Variants in ERBB4 observed in about 807,000 individuals in gnomAD.
The protein encoded by ERBB4 is erb-b2 receptor tyrosine kinase 4, also known as receptor tyrosine-protein kinase erbB-4.
In ERBB4, 42 loss-of-function variants were observed where a neutral mutation model predicts 158.0. The observed-to-expected ratio is 0.27, with a 90% CI of 0.21 to 0.34. The LOEUF is 0.34. ERBB4 is among the 10% of genes least tolerant of loss of function. The pLI, the probability that ERBB4 is intolerant of heterozygous loss-of-function variation, is 1.00. For synonymous variants in ERBB4, 583 were observed against 558.7 expected, an observed-to-expected ratio of 1.04 and a Z score of -0.61; for missense variants, 1,333 against 1,624.1, an observed-to-expected ratio of 0.82 and a Z score of 3.08.
At chr2:211,653,307 C>T (rs2071074811) in intron 16 of ERBB4, among the ~76,000 whole-genome samples, 1 of 152,164 alleles carries the variant, frequency 6.6e-6, no homozygotes, top group Admixed American at 6.5e-5. Flanking sequence ...CTTATCCAAT[C>T]TTCCTGAAAG....
At chr2:212,103,298 A>G (rs1280984763) in intron 2 of ERBB4, among the ~76,000 whole-genome samples, 1 of 152,136 alleles carries the variant, frequency 6.6e-6, no homozygotes, top group Non-Finnish European at 1.5e-5. Context: ...CTAGGCCAGT[A>G]TAATAGAATA....
At chr2:211,622,991 ATATATATATATATATATATAT>A (rs1301109262) in intron 18 of ERBB4, among the ~76,000 whole-genome samples, 1 of 6,426 alleles carries the variant, frequency 1.6e-4, no homozygotes, top group African/African-American at 4.8e-4. Context: ...AAAAAAAAAA[ATATATATATATATATATATAT>A]ATATATATAT....
At chr2:211,494,850 C>G (rs1435222466) in intron 20 of ERBB4, among the ~76,000 whole-genome samples, 1 of 152,074 alleles carries the variant, frequency 6.6e-6, no homozygotes, top group Non-Finnish European at 1.5e-5. Flanking sequence ...TGTGCACCTC[C>G]TTGGGAATTG....
intron 25 of ERBB4, 52 bp from the exon 26 acceptor site, chr2:211,388,044 G>GA: frequency 1.1e-5 from 15 of 1,305,648 alleles, no homozygotes; most frequent in Non-Finnish European, 1.6e-5. Context: ...CAATATGAAT[G>GA]AAAAAATTAA....
intron 1 of ERBB4, among the ~76,000 whole-genome samples, chr2:212,205,740 C>CT (rs1263303041): frequency 6.6e-6 from 1 of 152,052 alleles, no homozygotes; most frequent in East Asian, 1.9e-4. Flanking sequence ...AATAAGTAGT[C>CT]AGATACTTAG....
intron 20 of ERBB4, among the ~76,000 whole-genome samples, chr2:211,505,905 A>C (rs1382118660): frequency 6.6e-6 from 1 of 150,854 alleles, no homozygotes; most frequent in African/African-American, 2.4e-5. Context: ...GCTTGCAGTG[A>C]GCCAAGATCG....
chr2:212,408,255 C>T (rs970218648), intron 1 of ERBB4, among the ~76,000 whole-genome samples: 1 of 151,956 alleles, frequency 6.6e-6, no homozygotes, highest in African/African-American at 2.4e-5. Context: ...CACCCTCCCC[C>T]AATAGGTCCC....
intron 19 of ERBB4, among the ~76,000 whole-genome samples, chr2:211,579,447 G>T (rs1298959659): frequency 1.3e-5 from 2 of 151,986 alleles, no homozygotes; most frequent in Non-Finnish European, 2.9e-5. Flanking sequence ...TCCATTACTG[G>T]GTATGTACCT....
chr2:211,717,013 T>C (rs1025607200), intron 7 of ERBB4, among the ~76,000 whole-genome samples: 3 of 152,190 alleles, frequency 2.0e-5, no homozygotes, highest in Non-Finnish European at 4.4e-5. Flanking sequence ...ATAAGGGCTA[T>C]AGTAAAGAAA....
chr2:211,727,664 C>T (rs998267149), intron 5 of ERBB4, among the ~76,000 whole-genome samples: 2 of 151,914 alleles, frequency 1.3e-5, no homozygotes, highest in Non-Finnish European at 2.9e-5. Context: ...TTCATGATTT[C>T]ATATTTTTAA....
At chr2:212,328,998 T>G (rs2087998912) in intron 1 of ERBB4, among the ~76,000 whole-genome samples, 1 of 152,034 alleles carries the variant, frequency 6.6e-6, no homozygotes, top group African/African-American at 2.4e-5. Flanking sequence ...TAAATTACAA[T>G]TGTAAATGCC....
intron 1 of ERBB4, among the ~76,000 whole-genome samples, chr2:212,156,889 C>T (rs1321630200): frequency 1.3e-5 from 2 of 152,068 alleles, no homozygotes; most frequent in Admixed American, 1.3e-4. Context: ...CGTAGGCCCA[C>T]TGCTACTAGG....
At chr2:211,673,378 C>T (rs1337269578) in intron 13 of ERBB4, 121 bp from the exon 14 acceptor site, 2 of 735,686 alleles carry the variant, frequency 2.7e-6, no homozygotes, top group Non-Finnish European at 4.9e-6. Context: ...TCTCTATGTG[C>T]CAGGAGCATC....
intron 2 of ERBB4, among the ~76,000 whole-genome samples, chr2:212,079,279 GTTA>G (rs1159364858): frequency 6.6e-6 from 1 of 151,762 alleles, no homozygotes; most frequent in African/African-American, 2.4e-5. Context: ...AGCAATAACT[GTTA>G]TTATTTTCAT....
chr2:212,077,223 C>G (rs1414431759), intron 2 of ERBB4, among the ~76,000 whole-genome samples: 1 of 151,886 alleles, frequency 6.6e-6, no homozygotes, highest in Non-Finnish European at 1.5e-5. Flanking sequence ...GCAAAATTAT[C>G]ATTATCTACT....
chr2:211,734,618 A>G (rs1293638057), intron 5 of ERBB4, among the ~76,000 whole-genome samples: 1 of 117,634 alleles, frequency 8.5e-6, no homozygotes, highest in Non-Finnish European at 1.6e-5. Flanking sequence ...TAGCTGTAGC[A>G]TTAAAAAAAA....
At chr2:211,447,234 T>C (rs1297499172) in intron 20 of ERBB4, among the ~76,000 whole-genome samples, 1 of 142,764 alleles carries the variant, frequency 7.0e-6, no homozygotes, top group Non-Finnish European at 1.6e-5. Flanking sequence ...AATGCAAATT[T>C]AATACTTTAT....
At chr2:212,051,020 C>A (rs1013808006) in intron 2 of ERBB4, among the ~76,000 whole-genome samples, 8 of 152,132 alleles carry the variant, frequency 5.3e-5, no homozygotes, top group Non-Finnish European at 1.2e-4. Flanking sequence ...ACTGAAATAG[C>A]AATCGCCTTC....
chr2:211,556,840 A>G (rs1257802663), intron 20 of ERBB4, among the ~76,000 whole-genome samples: 1 of 152,178 alleles, frequency 6.6e-6, no homozygotes, highest in Non-Finnish European at 1.5e-5. Flanking sequence ...TGGAGGCACC[A>G]TGTTACTCAA....
Sources: allele counts gnomAD v4.1 joint callset (sites outside exome capture counted in the v4.1 genomes callset), GRCh38; gene constraint gnomAD v4.1.1; transcripts MANE v1.5; gene names NCBI Gene and HGNC (gene_info 2026-07-23, HGNC 2026-07-21).